Variants in BRCA1 observed in about 807,000 individuals in gnomAD.
The protein encoded by BRCA1 is breast cancer type 1 susceptibility protein.
A neutral mutation model predicts 173.7 loss-of-function variants in BRCA1; 140 were observed. That is an observed-to-expected ratio of 0.81 (90% CI 0.70 to 0.93). BRCA1 has a LOEUF of 0.93. Among genes scored for constraint, BRCA1 ranks in the 40% least tolerant of loss-of-function variants. BRCA1 has a pLI of 0.00. For synonymous variants in BRCA1, 662 were observed against 756.0 expected (o/e 0.88, Z 2.04); for missense variants, 1,983 against 2,172.5 (o/e 0.91, Z 1.73).
intron 16 of BRCA1, 163 bp downstream of exon 16, chr17:43,067,445 G>A (rs186100538): frequency 4.7e-4 from 269 of 567,608 alleles, no homozygotes; most frequent in African/African-American, 4.4e-3. Flanking sequence ...TAGTAGAGAC[G>A]GGGTTTCACC....
chr17:43,056,685 AAG>A lies in BRCA1; in HGVS notation c.5277+365_5277+366del, dbSNP rs368740506. 8.8e-4 allele frequency among the ~76,000 whole-genome samples: 133 copies of A among 151,612 alleles called. No individual in the cohort carries two copies. The Middle Eastern group carries it at 0.014, about 16-fold the overall frequency. On this transcript the variant is annotated intron_variant, in intron 19 of 22. Coordinates refer to ENST00000357654, the MANE Select transcript of BRCA1 (RefSeq NM_007294.4). The stretch of plus-strand genomic sequence containing the variant: ...GAGACTCCGTCTTGGGAAAAAAAAA[AAG>A]AGAGAGAGAGAGCAAGAGAGAGAGA...
chr17:43,114,214 G>A (rs1396767969), intron 3 of BRCA1, among the ~76,000 whole-genome samples: 1 of 152,132 alleles, frequency 6.6e-6, no homozygotes, highest in Non-Finnish European at 1.5e-5. Flanking sequence ...GTTATGGGCA[G>A]GAGCTACCAC....
At position 43,074,620 on chromosome 17, in the gene BRCA1, CAG is replaced by C. The variant is rs1451036757; in HGVS notation, c.4485-101_4485-100del. On this transcript the variant is annotated intron_variant, in intron 13 of 22. Transcript: ENST00000357654. ...AAAGCATAAATGAAACAGCTCATGTCAGAGAGATCAGAAATGACTGGCAAAAA... is the reference window on the plus strand; with the variant it reads ...AAAGCATAAATGAAACAGCTCATGTCAGAGATCAGAAATGACTGGCAAAAA... The C allele has an allele frequency of 3.6e-6, 4 of 1,108,532 alleles. No individual in the cohort carries two copies. In the East Asian group the frequency reaches 7.6e-5, roughly 21 times the overall value. 68.7% of individuals were successfully genotyped at this position (1,108,532 alleles called of 1,614,324 possible). A position where few individuals can be genotyped will look rare whatever the true frequency, so the allele number is the denominator to read the frequency against.
intron 1 of BRCA1, among the ~76,000 whole-genome samples, chr17:43,151,472 G>A (rs1319665469): frequency 2.0e-5 from 3 of 151,620 alleles, no homozygotes; most frequent in Non-Finnish European, 2.9e-5. Context: ...CCTAGCTCTG[G>A]GACTCTGTCT....
intron 1 of BRCA1, chr17:43,138,853 G>A: frequency 2.6e-6 from 2 of 778,848 alleles, no homozygotes; most frequent in Non-Finnish European, 4.8e-6. Flanking sequence ...GGGGACCGTG[G>A]GGCTGCAAGG....
At chr17:43,169,685 G>A (rs2056306720) in intron 1 of BRCA1, among the ~76,000 whole-genome samples, 1 of 151,676 alleles carries the variant, frequency 6.6e-6, no homozygotes, top group Admixed American at 6.6e-5. Context: ...CCTAGCTTCG[G>A]AAATTCACTT....
At chr17:43,096,465 G>A (rs758790501) in intron 8 of BRCA1, among the ~76,000 whole-genome samples, 11 of 150,668 alleles carry the variant, frequency 7.3e-5, no homozygotes, top group Non-Finnish European at 1.5e-4. Flanking sequence ...CCAGCTACTC[G>A]TGAGATTGAG....
intron 11 of BRCA1, among the ~76,000 whole-genome samples, chr17:43,089,042 G>A (rs2053340852): frequency 6.6e-6 from 1 of 152,142 alleles, no homozygotes; most frequent in Non-Finnish European, 1.5e-5. Context: ...GCCAGGCCTG[G>A]TGGCTCACGC....
Position 43,123,351 on chromosome 17 carries a change from T to A in BRCA1, c.80+666A>T, listed in dbSNP as rs1022426768. ...TCTCAACGACACCGATCATCCATGT[T>A]TTTTTTTTTTTTTTTTTTTTTTTGA... On this transcript the variant is annotated intron_variant, in intron 2 of 22. Coordinates refer to ENST00000357654, the MANE Select transcript of BRCA1 (RefSeq NM_007294.4). Among the ~76,000 whole-genome samples, 21 of 101,306 alleles carry A rather than the reference T, an allele frequency of 2.1e-4. No homozygotes were observed. In the African/African-American group the frequency reaches 2.2e-3, roughly 10 times the overall value. 66.5% of individuals were successfully genotyped at this position (101,306 alleles called of 152,430 possible). A position where few individuals can be genotyped will look rare whatever the true frequency, so the allele number is the denominator to read the frequency against.
At position 43,045,566 on chromosome 17, in the gene BRCA1, A is replaced by G; in HGVS notation, c.*112T>C. Reference sequence around the variant, plus strand: ...GGCTGATGTACATAAAATATTTAGTAGCCAGGACAGTAGAAGGACTGAAGA... The same window carrying G: ...GGCTGATGTACATAAAATATTTAGTGGCCAGGACAGTAGAAGGACTGAAGA... On this transcript the variant is annotated 3_prime_UTR_variant, in exon 23 of 23. Transcript: ENST00000357654. 6.8e-7 allele frequency: 1 copy of G among 1,465,950 alleles called. No homozygotes were observed. Among genetic ancestry groups the G allele is most frequent in the Non-Finnish European group, 9.4e-7 (1 of 1,060,260 alleles). 90.8% of individuals were successfully genotyped at this position (1,465,950 alleles called of 1,614,324 possible).
rs192139502 is a variant in BRCA1, at chr17:43,113,603, G to A, written c.134+2123C>T. On this transcript the variant is annotated intron_variant, in intron 3 of 22. Coordinates refer to ENST00000357654, the MANE Select transcript of BRCA1 (RefSeq NM_007294.4). Reference sequence around the variant, plus strand: ...AGGATGGTCTTAATTTCCTGACCTCGTGATCCGCCCACCTCGACCTCCCAA... The same window carrying A: ...AGGATGGTCTTAATTTCCTGACCTCATGATCCGCCCACCTCGACCTCCCAA... Among the ~76,000 whole-genome samples the A allele has an allele frequency of 6.6e-4, 101 of 151,896 alleles. No individual in the cohort carries two copies. The Middle Eastern group carries it at 0.014, about 20-fold the overall frequency.
At position 43,095,892 on chromosome 17, in the gene BRCA1, G is replaced by A. The variant is rs2054114975; in HGVS notation, c.624C>T (p.Thr208=). The part of the protein sequence containing the change: ...SVGDQELLQI[T]PQGTRDEISL... ...TGATTTCATCCCTGGTTCCTTGAGG[G>A]GTGATTTGTAACAATTCTTGATCTC... is the stretch of plus-strand genomic sequence containing the variant. The change falls in exon 9 of 23, where the codon ACC becomes ACT. Residue 208 remains threonine, a synonymous_variant. Transcript: ENST00000357654. 1.2e-6 allele frequency: 2 copies of A among 1,613,740 alleles called. No homozygotes were observed. Among genetic ancestry groups the A allele is most frequent in the South Asian group, 2.2e-5 (2 of 91,020 alleles).
rs564438587 is a variant in BRCA1, at chr17:43,047,125, G to A, written c.5467+518C>T. On this transcript the variant is annotated intron_variant, in intron 22 of 22. Transcript: ENST00000357654. ...ACTTTCTTTTTTCTTTTTGAGACACGGTCTCGCTCTGTCGCCCAGGCTGGA... is the reference window on the plus strand; with the variant it reads ...ACTTTCTTTTTTCTTTTTGAGACACAGTCTCGCTCTGTCGCCCAGGCTGGA... Among the ~76,000 whole-genome samples, 12 of 151,740 alleles carry A rather than the reference G, an allele frequency of 7.9e-5. No homozygotes were observed. In the East Asian group the frequency reaches 9.7e-4, roughly 12 times the overall value.
rs1453615743 is a variant in BRCA1, at chr17:43,045,129, A to T, written c.*549T>A. 1 of 534,354 alleles carries T rather than the reference A, an allele frequency of 1.9e-6. No individual in the cohort carries two copies. Among genetic ancestry groups the T allele is most frequent in the South Asian group, 1.5e-5 (1 of 65,166 alleles). 33.1% of individuals were successfully genotyped at this position (534,354 alleles called of 1,614,324 possible). A position where few individuals can be genotyped will look rare whatever the true frequency, so the allele number is the denominator to read the frequency against. On this transcript the variant is annotated 3_prime_UTR_variant, in exon 23 of 23. Transcript: ENST00000357654. ...TTCAAGTTTCCTTTTCATTTCTAATACCTGCCTCAGAATTTCCTCCCCAAT... is the reference window on the plus strand; with the variant it reads ...TTCAAGTTTCCTTTTCATTTCTAATTCCTGCCTCAGAATTTCCTCCCCAAT...
intron 6 of BRCA1, among the ~76,000 whole-genome samples, chr17:43,100,224 C>G (rs2054324073): frequency 6.6e-6 from 1 of 151,420 alleles, no homozygotes. Flanking sequence ...ATTTTTTTTT[C>G]TGTTGTCTTA....
rs2053481117 is a variant in BRCA1, at chr17:43,091,494, T to C, written c.4037A>G (p.Glu1346Gly). 1 of 1,613,512 alleles carries C rather than the reference T, an allele frequency of 6.2e-7. No individual in the cohort carries two copies. Among genetic ancestry groups the C allele is most frequent in the Non-Finnish European group, 8.5e-7 (1 of 1,179,596 alleles). Residue 1346 changes from glutamate to glycine, a missense_variant, in exon 10 of 23, where the codon GAA (glutamate) becomes GGA (glycine). Transcript: ENST00000357654. ...SDKELVSDDE[E>G]RGTGLEENNQ... ...ATTTTCTTCCAAGCCCGTTCCTCTT[T>C]CTTCATCATCTGAAACCAATTCCTT...
At chr17:43,053,860 T>G (rs2051351108) in intron 19 of BRCA1, among the ~76,000 whole-genome samples, 1 of 151,768 alleles carries the variant, frequency 6.6e-6, no homozygotes, top group African/African-American at 2.4e-5. Flanking sequence ...TCCTAGCTAC[T>G]TAGGAGGCTG....
chr17:43,134,636 A>G (rs1315693984), intron 1 of BRCA1, among the ~76,000 whole-genome samples: 1 of 152,180 alleles, frequency 6.6e-6, no homozygotes. Context: ...TTTAACACCA[A>G]GAAAATAGTT....
chr17:43,166,060 T>TTCTC (rs1316356206), intron 1 of BRCA1: 1 of 151,544 alleles, frequency 6.6e-6, no homozygotes, highest in Admixed American at 6.6e-5. Context: ...CTCTCTCTCT[T>TTCTC]TCTCTCTTTC....
Sources: gnomAD v4.1 joint callset for allele counts (sites outside exome capture counted in the v4.1 genomes callset) on GRCh38, gnomAD v4.1.1 for gene constraint, MANE v1.5 for transcripts, NCBI Gene and HGNC (gene_info 2026-07-23, HGNC 2026-07-21) for gene names.